Variants in GRIN2C observed in about 807,000 individuals in gnomAD.
GRIN2C encodes the protein glutamate receptor ionotropic, NMDA 2C.
A neutral mutation model predicts 77.7 loss-of-function variants in GRIN2C; 64 were observed. The ratio of observed to expected loss-of-function variants is 0.82; its 90% CI spans 0.67 to 1.01. The LOEUF is 1.01. Among genes scored for constraint, GRIN2C ranks in the 50% least tolerant of loss-of-function variants. The pLI is 0.00. For missense variants in GRIN2C, 1,549 were observed against 1,486.0 expected, an observed-to-expected ratio of 1.04 and a Z score of -0.70; for synonymous variants, 792 against 643.4, an observed-to-expected ratio of 1.23 and a Z score of -3.49.
At chr17:74,843,972 C>T (rs1396385397) in intron 12 of GRIN2C, 5 of 517,508 alleles carry the variant, frequency 9.7e-6, no homozygotes, top group Non-Finnish European at 1.7e-5. Flanking sequence ...CTTCTTGGCT[C>T]AAGCGATCCT....
Position 74,849,874 on chromosome 17 carries a change from G to C in GRIN2C, c.1551C>G (p.Ser517=), listed in dbSNP as rs201943001. The C allele has an allele frequency of 1.2e-6, 2 of 1,613,652 alleles. No individual in the cohort carries two copies. Among genetic ancestry groups the C allele is most frequent in the East Asian group, 2.2e-5 (1 of 44,868 alleles). Residue 517 remains serine (S), a synonymous_variant, in exon 7 of 13, where the codon TCC becomes TCG. Coordinates refer to ENST00000293190, the MANE Select transcript of GRIN2C (RefSeq NM_000835.6). The surrounding 1 kb of genome is among the most constrained non-coding windows in gnomAD (Gnocchi z 4.6). Reference sequence around the variant, plus strand: ...AGGGTACAGAGAAGTCTACGATCTCGGAGCGTTCCTCATTGATGGTGAGGG... The same window carrying C: ...AGGGTACAGAGAAGTCTACGATCTCCGAGCGTTCCTCATTGATGGTGAGGG... The part of the protein sequence containing the change: ...IGSLTINEER[S]EIVDFSVPFV...
chr17:74,843,528 AC>A lies in GRIN2C; in HGVS notation c.2608del (p.Val870CysfsTer35). On this transcript the variant is annotated frameshift_variant, in exon 13 of 13. Transcript: ENST00000293190. LOFTEE classifies it low-confidence loss of function (END_TRUNC). ...CCGCGGTGGGCTGGCGAGGCTCTGC[AC>A]CCCGCTGAAGCAGCTGTAGATGCCC... The part of the protein sequence containing the change: ...SRGIYSCFSG[V>X]QSLASPPRQA... 1 of 1,533,006 alleles carries A rather than the reference AC, an allele frequency of 6.5e-7. No individual in the cohort carries two copies. Among genetic ancestry groups the A allele is most frequent in the Non-Finnish European group, 8.7e-7 (1 of 1,146,378 alleles). 95.0% of individuals were successfully genotyped at this position (1,533,006 alleles called of 1,614,324 possible).
chr17:74,848,438 G>A (rs2144574320), intron 7 of GRIN2C, among the ~76,000 whole-genome samples: 1 of 152,352 alleles, frequency 6.6e-6, no homozygotes, highest in East Asian at 1.9e-4. Context: ...TGCTGGCTGG[G>A]CTTGGTGGCT....
At position 74,852,387 on chromosome 17, in the gene GRIN2C, C is replaced by T; in HGVS notation, c.624G>A (p.Pro208=). The part of the protein sequence containing the change: ...VVTLELGPGG[P]RARTQRLLRQ... Reference sequence around the variant, plus strand: ...GCAGCAGGCGCTGCGTGCGCGCGCGCGGCCCTCCCGGGCCCAGCTCCAGCG... The same window carrying T: ...GCAGCAGGCGCTGCGTGCGCGCGCGTGGCCCTCCCGGGCCCAGCTCCAGCG... Residue 208 remains proline (P), a synonymous_variant, in exon 3 of 13, where the codon CCG becomes CCA. Coordinates refer to ENST00000293190, the MANE Select transcript of GRIN2C (RefSeq NM_000835.6). 2 of 1,442,658 alleles carry T rather than the reference C, an allele frequency of 1.4e-6. No homozygotes were observed. The highest frequency in any genetic ancestry group is 1.8e-6 in the Non-Finnish European group (2 of 1,106,494). The allele number at this position is 1,442,658 out of a possible 1,614,324, so 89.4% of individuals were successfully genotyped here.
At position 74,842,447 on chromosome 17, in the gene GRIN2C, C is replaced by T. The variant is rs1390972555; in HGVS notation, c.3690G>A (p.Glu1230=). The T allele has an allele frequency of 1.3e-6, 1 of 775,184 alleles. No individual in the cohort carries two copies. 48.0% of individuals were successfully genotyped at this position (775,184 alleles called of 1,614,324 possible). The change falls in exon 13 of 13, where the codon GAG becomes GAA. Residue 1230 remains glutamate, a synonymous_variant. Transcript: ENST00000293190. ...AGTGGCTGATAACTCACACTTCTGA[C>T]TCCAGACTGGAGATCCGTCTCCAGG... ...PCTWRRISSL[E]SEV
intron 7 of GRIN2C, 137 bp from the exon 8 acceptor site, chr17:74,848,114 C>G (rs570741986): frequency 5.5e-4 from 483 of 882,300 alleles, no homozygotes; most frequent in Non-Finnish European, 4.0e-4. Context: ...AAGGGGGCCT[C>G]TGACTCAGAG....
chr17:74,851,416 C>T, intron 4 of GRIN2C, 161 bp downstream of exon 4: 1 of 590,488 alleles, frequency 1.7e-6, no homozygotes, highest in South Asian at 2.1e-5. Context: ...CCCGGGGCAC[C>T]TGGAGGCTTC....
chr17:74,844,552 A>T, intron 11 of GRIN2C, 44 bp from the exon 12 acceptor site: 1 of 1,594,294 alleles, frequency 6.3e-7, no homozygotes, highest in Non-Finnish European at 8.6e-7. Context: ...AAACCCCCCT[A>T]TAAGCAACCC....
chr17:74,844,822 C>T (rs1361984296), intron 11 of GRIN2C, among the ~76,000 whole-genome samples: 1 of 152,158 alleles, frequency 6.6e-6, no homozygotes, highest in Non-Finnish European at 1.5e-5. Context: ...TCATTCACTC[C>T]TCTTCATATA....
In GRIN2C at chr17:74,850,229, C is replaced by T. The variant is rs11575879; in HGVS notation, c.1468G>A (p.Val490Ile). 4,223 of 1,613,640 alleles carry T rather than the reference C, an allele frequency of 2.6e-3. 40 individuals are homozygous for T. Among genetic ancestry groups the T allele is most frequent in the South Asian group, 0.02 (1,792 of 91,080 alleles). Reference protein sequence around the residue: ...NGKHGKRVRGVWNGMIGEVYY... With the variant: ...NGKHGKRVRGIWNGMIGEVYY... ...ACCTCCCCAATCATGCCGTTCCATA[C>T]GCCGCGCACCCGCTTGCCATGCTTG... The change falls in exon 6 of 13, where the codon GTA (valine) becomes ATA (isoleucine). Residue 490 changes from valine to isoleucine, a missense_variant. Transcript: ENST00000293190. The surrounding 1 kb of genome is among the most constrained non-coding windows in gnomAD (Gnocchi z 5.3).
chr17:74,846,691 T>G lies in GRIN2C; in HGVS notation c.2162+69A>C. The G allele has an allele frequency of 6.7e-6, 10 of 1,488,652 alleles. No homozygotes were observed. The highest frequency in any genetic ancestry group is 1.4e-5 in the African/African-American group (1 of 72,818). The allele number at this position is 1,488,652 out of a possible 1,614,324, so 92.2% of individuals were successfully genotyped here. On this transcript the variant is annotated intron_variant, in intron 10 of 12. Transcript: ENST00000293190. This position sits in a 1 kb window ranked among gnomAD's most constrained non-coding sequence, Gnocchi z 4.4. The stretch of plus-strand genomic sequence containing the variant: ...ACAGCCCAGTCCCACTGTCCCCACA[T>G]TGAGAGCTAAGGCTGGTCACTGGGG...
At position 74,859,554 on chromosome 17, in the gene GRIN2C, C is replaced by G. The variant is rs938848506; in HGVS notation, c.-16+190G>C. Among the ~76,000 whole-genome samples, 1 of 152,058 alleles carries G rather than the reference C, an allele frequency of 6.6e-6. No individual in the cohort carries two copies. Among genetic ancestry groups the G allele is most frequent in the Non-Finnish European group, 1.5e-5 (1 of 67,994 alleles). On this transcript the variant is annotated intron_variant, in intron 1 of 12. Transcript: ENST00000293190. This position sits in a 1 kb window ranked among gnomAD's most constrained non-coding sequence, Gnocchi z 5.9. ...CTCCTTTGCCGTCGGGTTTCCCTCC[C>G]TCCCTTTTGCCCAGCCAAAACCCGA...
intron 11 of GRIN2C, 77 bp from the exon 12 acceptor site, chr17:74,844,585 C>G: frequency 6.5e-7 from 1 of 1,549,892 alleles, no homozygotes; most frequent in South Asian, 1.2e-5. Flanking sequence ...CACCACAAAC[C>G]TGGAGTAAGA....
rs547591082 is a variant in GRIN2C, at chr17:74,848,147, C to T, written c.1646-170G>A. Among the ~76,000 whole-genome samples the T allele has an allele frequency of 1.3e-5, 2 of 152,280 alleles. 1 individual carries two copies. The highest frequency in any genetic ancestry group is 4.1e-4 in the South Asian group (2 of 4,828). Reference sequence around the variant, plus strand: ...GAGCAGCAGAGCCCCAGGAGAGGCCCCCAAAAGAGGTCAGGCTCTCCAGCA... The same window carrying T: ...GAGCAGCAGAGCCCCAGGAGAGGCCTCCAAAAGAGGTCAGGCTCTCCAGCA... On this transcript the variant is annotated intron_variant, in intron 7 of 12. Coordinates refer to ENST00000293190, the MANE Select transcript of GRIN2C (RefSeq NM_000835.6).
Position 74,850,829 on chromosome 17 carries a change from G to A in GRIN2C, c.1114-62C>T, listed in dbSNP as rs2037619920. Reference sequence around the variant, plus strand: ...CCCTACAGCCCCCACCCTCTAGGTGGAGCCTGCCAGGGCCAAGAATCTCCC... The same window carrying A: ...CCCTACAGCCCCCACCCTCTAGGTGAAGCCTGCCAGGGCCAAGAATCTCCC... On this transcript the variant is annotated intron_variant, in intron 4 of 12. Transcript: ENST00000293190. This position sits in a 1 kb window ranked among gnomAD's most constrained non-coding sequence, Gnocchi z 5.3. 1.4e-6 allele frequency: 2 copies of A among 1,381,192 alleles called. No homozygotes were observed. Among genetic ancestry groups the A allele is most frequent in the South Asian group, 1.2e-5 (1 of 82,146 alleles). 85.6% of individuals were successfully genotyped at this position (1,381,192 alleles called of 1,614,324 possible).
At chr17:74,844,012 T>C (rs953962053) in intron 12 of GRIN2C, 5 of 626,028 alleles carry the variant, frequency 8.0e-6, no homozygotes, top group Admixed American at 6.7e-5. Flanking sequence ...TAGCTGGGAC[T>C]GCAGGCGCGC....
rs1425210690 is a variant in GRIN2C at position 74,842,532 on chromosome 17, C to T, written c.3605G>A (p.Gly1202Glu). Residue 1202 changes from glycine to glutamate, a missense_variant, in exon 13 of 13, where the codon GGG (glycine) becomes GAG (glutamate). By Grantham distance (98) the Gly-to-Glu change is moderately conservative (BLOSUM62 -2). This residue lies in a region of GRIN2C where 450 missense variants were observed against 267.9 expected (regional missense o/e 1.68). Transcript: ENST00000293190. ...TACCCTGCTGATCTCGTCCAGTCCC[C>T]CACTGTCTCTGTAGCCTGTGCCCAG... ...LGLGTGYRDS[G>E]GLDEISRVAR... 3.9e-6 allele frequency: 3 copies of T among 778,968 alleles called. No individual in the cohort carries two copies. Among genetic ancestry groups the T allele is most frequent in the East Asian group, 2.4e-5 (1 of 41,188 alleles). The allele number at this position is 778,968 out of a possible 1,614,324, so 48.3% of individuals were successfully genotyped here. A position where few individuals can be genotyped will look rare whatever the true frequency, so the allele number is the denominator to read the frequency against.
chr17:74,852,118 A>G lies in GRIN2C; in HGVS notation c.893T>C (p.Leu298Pro), dbSNP rs1567896073. The G allele has an allele frequency of 1.4e-6, 2 of 1,461,772 alleles. No individual in the cohort carries two copies. Among genetic ancestry groups the G allele is most frequent in the Non-Finnish European group, 1.8e-6 (2 of 1,106,054 alleles). 90.6% of individuals were successfully genotyped at this position (1,461,772 alleles called of 1,614,324 possible). ...CTGGCGCCAGTAGCTGTGGGCGCCC[A>G]GGGCCAGAATGGCCACGCCGTCGCG... The part of the protein sequence containing the change: ...KVRDGVAILA[L>P]GAHSYWRQHG... The change falls in exon 3 of 13, where the codon CTG (leucine) becomes CCG (proline). Residue 298 changes from leucine (L) to proline (P), a missense_variant. Coordinates refer to ENST00000293190, the MANE Select transcript of GRIN2C (RefSeq NM_000835.6).
intron 4 of GRIN2C, chr17:74,851,106 T>C (rs2037629541): frequency 5.3e-6 from 2 of 380,564 alleles, no homozygotes; most frequent in Non-Finnish European, 4.8e-6. Context: ...CACCTCTTCC[T>C]GGTGGGCTCC....
Sources: allele counts gnomAD v4.1 joint callset (sites outside exome capture counted in the v4.1 genomes callset), GRCh38; gene constraint gnomAD v4.1.1; regional missense constraint gnomAD v4.1.1; non-coding constraint Gnocchi (gnomAD v3.1); transcripts MANE v1.5; gene names NCBI Gene and HGNC (gene_info 2026-07-23, HGNC 2026-07-21).